The following COMMD7 variants were observed in gnomAD, a reference collection of about 807,000 sequenced individuals.
COMMD7 encodes COMM domain containing 7, also known as COMM domain-containing protein 7.
In COMMD7, 28 loss-of-function variants were observed where a neutral mutation model predicts 34.8. The ratio of observed to expected loss-of-function variants is 0.80; its 90% CI spans 0.60 to 1.10. The LOEUF (loss-of-function observed/expected upper bound fraction) is 1.10. COMMD7 is among the 50% of genes least tolerant of loss of function. The probability of loss-of-function intolerance (pLI) is 0.00; values close to 1 mark genes in which losing one functional copy is unlikely to be tolerated. For missense variants in COMMD7, 211 were observed against 241.6 expected, an observed-to-expected ratio of 0.87 and a Z score of 0.84; for synonymous variants, 80 against 86.4, an observed-to-expected ratio of 0.93 and a Z score of 0.41.
chr20:32,725,224 G>A (rs903831835), intron 3 of COMMD7, among the ~76,000 whole-genome samples: 3 of 151,794 alleles, frequency 2.0e-5, no homozygotes, highest in Non-Finnish European at 4.4e-5. Flanking sequence ...TACCAGGTAT[G>A]ATGAAAAAAT....
intron 3 of COMMD7, among the ~76,000 whole-genome samples, chr20:32,714,820 T>C (rs912842951): frequency 4.3e-5 from 3 of 69,072 alleles, no homozygotes; most frequent in African/African-American, 1.5e-4. Context: ...TGAGACTCCA[T>C]CTCAAACAAC....
At chr20:32,731,686 TGG>T (rs1171736988) in intron 1 of COMMD7, among the ~76,000 whole-genome samples, 1 of 152,246 alleles carries the variant, frequency 6.6e-6, no homozygotes, top group African/African-American at 2.4e-5. Context: ...TTTCCTTATA[TGG>T]CATTGCAGCT....
chr20:32,734,223 C>T (rs187539839), intron 1 of COMMD7, among the ~76,000 whole-genome samples: 2 of 149,796 alleles, frequency 1.3e-5, no homozygotes, highest in Non-Finnish European at 3.0e-5. Flanking sequence ...GCTTGTAATC[C>T]CAGCACTTTG....
rs748996711 is a variant in COMMD7 at position 32,727,897 on chromosome 20, T to C, written c.237A>G (p.Pro79=). Residue 79 remains proline (P), a synonymous_variant, in exon 3 of 9, where the codon CCA becomes CCG. Coordinates refer to ENST00000278980, the MANE Select transcript of COMMD7 (RefSeq NM_053041.3). ...RSIVKSLLLV[P]NGALKKSLTA... ...CTGCTAAGAGAGGTTACTCACCATTTGGAACCAGAAGGAGGCTTTTCACGA... is the reference window on the plus strand; with the variant it reads ...CTGCTAAGAGAGGTTACTCACCATTCGGAACCAGAAGGAGGCTTTTCACGA... 2.5e-6 allele frequency: 4 copies of C among 1,611,494 alleles called. No individual in the cohort carries two copies. In the Admixed American group the frequency reaches 6.7e-5, roughly 27 times the overall value.
At chr20:32,707,464 C>T (rs1323888447) in intron 3 of COMMD7, among the ~76,000 whole-genome samples, 5 of 151,530 alleles carry the variant, frequency 3.3e-5, no homozygotes, top group African/African-American at 4.8e-5. Flanking sequence ...GGACTACAGG[C>T]GTGCGCCACC....
chr20:32,706,893 A>C, intron 3 of COMMD7, 133 bp from the exon 4 acceptor site: 2 of 671,882 alleles, frequency 3.0e-6, no homozygotes, highest in Non-Finnish European at 5.4e-6. Flanking sequence ...CCAAGATCTC[A>C]ATCCAGCCAT....
At chr20:32,730,641 C>T (rs1048991704) in intron 1 of COMMD7, among the ~76,000 whole-genome samples, 30 of 152,038 alleles carry the variant, frequency 2.0e-4, no homozygotes, top group African/African-American at 7.2e-4. Context: ...TTTAAAAGAC[C>T]CAGTTCAATC....
chr20:32,732,662 C>G (rs1985905803), intron 1 of COMMD7, among the ~76,000 whole-genome samples: 1 of 152,144 alleles, frequency 6.6e-6, no homozygotes, highest in South Asian at 2.1e-4. Flanking sequence ...CACCATGGCT[C>G]AAGCCTGTAA....
intron 3 of COMMD7, among the ~76,000 whole-genome samples, chr20:32,719,863 G>C (rs973886835): frequency 6.6e-6 from 1 of 152,098 alleles, no homozygotes; most frequent in Admixed American, 6.6e-5. Context: ...GGGAGGTTAA[G>C]ACAGGAGAAT....
At chr20:32,717,005 G>A (rs946061581) in intron 3 of COMMD7, among the ~76,000 whole-genome samples, 1 of 152,020 alleles carries the variant, frequency 6.6e-6, no homozygotes, top group African/African-American at 2.4e-5. Context: ...CTAATTTTTT[G>A]TATTTGTAGT....
Position 32,743,456 on chromosome 20 carries a change from GCCGCTGCCA to G in COMMD7, c.-74_-66del, listed in dbSNP as rs879748461. The G allele has an allele frequency of 6.9e-6, 8 of 1,166,434 alleles. No individual in the cohort carries two copies. The African/African-American group carries it at 9.7e-5, about 14-fold the overall frequency. The allele number at this position is 1,166,434 out of a possible 1,614,324, so 72.3% of individuals were successfully genotyped here. ...GCCCTGCTCAGCTTCCTCCTCCGCT[GCCGCTGCCA>G]CCGCTGCCGGCCTCTCCGCGCATCC... On this transcript the variant is annotated 5_prime_UTR_variant, in exon 1 of 9. Coordinates refer to ENST00000278980, the MANE Select transcript of COMMD7 (RefSeq NM_053041.3).
At chr20:32,725,329 C>T (rs552288591) in intron 3 of COMMD7, among the ~76,000 whole-genome samples, 2 of 151,852 alleles carry the variant, frequency 1.3e-5, no homozygotes, top group African/African-American at 2.4e-5. Flanking sequence ...TATAAAAGGC[C>T]ATAGTCCAAA....
chr20:32,709,234 A>C (rs1210082992), intron 3 of COMMD7, among the ~76,000 whole-genome samples: 1 of 151,970 alleles, frequency 6.6e-6, no homozygotes, highest in East Asian at 2.0e-4. Context: ...CAGTAGTTCG[A>C]GACCAGCCTG....
intron 6 of COMMD7, 64 bp from the exon 7 acceptor site, chr20:32,704,553 G>A: frequency 2.0e-6 from 3 of 1,524,376 alleles, no homozygotes; most frequent in Non-Finnish European, 2.7e-6. Context: ...ATTGAGGACT[G>A]ACCCTGAAGA....
chr20:32,730,344 C>T (rs1568791068), intron 1 of COMMD7, among the ~76,000 whole-genome samples: 3 of 152,114 alleles, frequency 2.0e-5, no homozygotes, highest in East Asian at 1.9e-4. Flanking sequence ...CATTTGAGGT[C>T]GGGAGTTCAA....
chr20:32,716,744 C>A (rs935965282), intron 3 of COMMD7, among the ~76,000 whole-genome samples: 12 of 152,106 alleles, frequency 7.9e-5, no homozygotes, highest in Admixed American at 5.2e-4. Flanking sequence ...GCCCAAGCAA[C>A]AAAGCAAGAC....
rs1214679385 is a variant in COMMD7 at position 32,724,074 on chromosome 20, G to C, written c.241+3819C>G. On this transcript the variant is annotated intron_variant, in intron 3 of 8. Transcript: ENST00000278980. ...GGGTCAGCCCCCCGCCCGGCCAGCC[G>C]CCCCATCCGGGAGGGAGGTGGGGGG... Among the ~76,000 whole-genome samples the C allele has an allele frequency of 1.2e-4, 2 of 16,640 alleles. 1 individual carries two copies. The highest frequency in any genetic ancestry group is 3.5e-4 in the Non-Finnish European group (2 of 5,794). 10.9% of individuals were successfully genotyped at this position (16,640 alleles called of 152,430 possible).
At chr20:32,717,704 C>A (rs968446370) in intron 3 of COMMD7, among the ~76,000 whole-genome samples, 1 of 152,010 alleles carries the variant, frequency 6.6e-6, no homozygotes, top group African/African-American at 2.4e-5. Flanking sequence ...TCAAGAGATT[C>A]TCCCCCTTTG....
In COMMD7 at chr20:32,743,459, G is replaced by C; in HGVS notation, c.-68C>G. 1 of 1,107,864 alleles carries C rather than the reference G, an allele frequency of 9.0e-7. No individual in the cohort carries two copies. Among genetic ancestry groups the C allele is most frequent in the Non-Finnish European group, 1.2e-6 (1 of 858,608 alleles). 68.6% of individuals were successfully genotyped at this position (1,107,864 alleles called of 1,614,324 possible). Reference sequence around the variant, plus strand: ...CTGCTCAGCTTCCTCCTCCGCTGCCGCTGCCACCGCTGCCGGCCTCTCCGC... The same window carrying C: ...CTGCTCAGCTTCCTCCTCCGCTGCCCCTGCCACCGCTGCCGGCCTCTCCGC... On this transcript the variant is annotated 5_prime_UTR_variant, in exon 1 of 9. Transcript: ENST00000278980.
Sources: gnomAD v4.1 joint callset for allele counts (sites outside exome capture counted in the v4.1 genomes callset) on GRCh38, gnomAD v4.1.1 for gene constraint, MANE v1.5 for transcripts, NCBI Gene and HGNC (gene_info 2026-07-23, HGNC 2026-07-21) for gene names.